The following GHR variants were observed in gnomAD, a reference collection of about 807,000 sequenced individuals.
GHR encodes GH receptor.
A neutral mutation model predicts 67.1 loss-of-function variants in GHR; 35 were observed. That is an observed-to-expected ratio of 0.52 (90% confidence interval 0.40 to 0.69). GHR has a LOEUF of 0.69. Ranked by LOEUF, GHR falls within the 30% of genes least tolerant of loss-of-function variation. The pLI, the probability that GHR is intolerant of heterozygous loss-of-function variation, is 0.00. For missense variants in GHR, 792 were observed against 764.6 expected, an observed-to-expected ratio of 1.04 and a Z score of -0.42; for synonymous variants, 272 against 269.1, an observed-to-expected ratio of 1.01 and a Z score of -0.10.
At chr5:42,605,909 G>A (rs1445202986) in intron 2 of GHR, among the ~76,000 whole-genome samples, 2 of 152,356 alleles carry the variant, frequency 1.3e-5, no homozygotes, top group South Asian at 2.1e-4. Context: ...TATTATGTAT[G>A]CAGTCTAACT....
intron 1 of GHR, chr5:42,548,375 C>G: frequency 1.0e-6 from 1 of 985,316 alleles, no homozygotes; most frequent in East Asian, 1.1e-4. Flanking sequence ...TCCAACCCCT[C>G]CCTCTCTGTC....
At chr5:42,664,120 C>T (rs1755821495) in intron 3 of GHR, among the ~76,000 whole-genome samples, 1 of 152,170 alleles carries the variant, frequency 6.6e-6, no homozygotes, top group African/African-American at 2.4e-5. Flanking sequence ...AAGAACATTC[C>T]ATGCTCATGG....
chr5:42,689,124 G>T, intron 4 of GHR, 105 bp downstream of exon 4: 3 of 1,004,322 alleles, frequency 3.0e-6, no homozygotes, highest in Non-Finnish European at 4.8e-6. Flanking sequence ...TGTGATTTAT[G>T]CAATCAATGA....
intron 2 of GHR, among the ~76,000 whole-genome samples, chr5:42,600,981 C>T (rs1752351619): frequency 8.5e-6 from 1 of 117,312 alleles, no homozygotes; most frequent in Admixed American, 1.3e-4. Flanking sequence ...GGCTGGAGTG[C>T]GATGGTGCAA....
At chr5:42,487,308 A>G (rs1186627215) in intron 1 of GHR, among the ~76,000 whole-genome samples, 1 of 152,158 alleles carries the variant, frequency 6.6e-6, no homozygotes, top group Non-Finnish European at 1.5e-5. Context: ...ACTCATTCCT[A>G]CTTGTATTCT....
intron 1 of GHR, among the ~76,000 whole-genome samples, chr5:42,564,408 T>C (rs762234537): frequency 6.6e-6 from 1 of 152,006 alleles, no homozygotes; most frequent in Non-Finnish European, 1.5e-5. Flanking sequence ...GTTTCTCACG[T>C]GAAATCTCAC....
intron 1 of GHR, among the ~76,000 whole-genome samples, chr5:42,494,418 G>T (rs1399777769): frequency 6.6e-6 from 1 of 152,026 alleles, no homozygotes; most frequent in Non-Finnish European, 1.5e-5. Context: ...ATTCAAACAT[G>T]TTGAGGAAAA....
chr5:42,507,679 A>G, intron 1 of GHR, among the ~76,000 whole-genome samples: 1 of 152,232 alleles, frequency 6.6e-6, no homozygotes, highest in East Asian at 1.9e-4. Context: ...AGCTGCCATG[A>G]GAAGCTATTA....
intron 1 of GHR, chr5:42,465,314 TGCATGAAAATAAATC>T: frequency 4.2e-6 from 3 of 707,852 alleles, no homozygotes; most frequent in Non-Finnish European, 2.5e-6. Flanking sequence ...ATTTTTTTTT[TGCATGAAAATAAATC>T]TTTATTTTCA....
chr5:42,480,822 G>A (rs577598460), intron 1 of GHR, among the ~76,000 whole-genome samples: 6 of 152,132 alleles, frequency 3.9e-5, no homozygotes, highest in Non-Finnish European at 8.8e-5. Context: ...GCACGCTGAT[G>A]GGTCTTGACT....
chr5:42,661,710 A>C (rs953698389), intron 3 of GHR, among the ~76,000 whole-genome samples: 3 of 152,336 alleles, frequency 2.0e-5, no homozygotes, highest in African/African-American at 2.4e-5. Flanking sequence ...CGAGTAAAAT[A>C]ACCAGCTAAC....
intron 1 of GHR, among the ~76,000 whole-genome samples, chr5:42,536,595 T>A (rs1748266887): frequency 6.6e-6 from 1 of 152,190 alleles, no homozygotes; most frequent in African/African-American, 2.4e-5. Flanking sequence ...TTAGCATCTA[T>A]GTTTATCAAG....
chr5:42,427,091 C>T (rs1375162341), intron 1 of GHR, among the ~76,000 whole-genome samples: 1 of 152,206 alleles, frequency 6.6e-6, no homozygotes, highest in African/African-American at 2.4e-5. Flanking sequence ...ATATTATCCT[C>T]CTTGCCGAAT....
At chr5:42,650,938 C>A (rs956064166) in intron 3 of GHR, among the ~76,000 whole-genome samples, 2 of 152,102 alleles carry the variant, frequency 1.3e-5, no homozygotes, top group Non-Finnish European at 2.9e-5. Context: ...TATAGGTCTT[C>A]ATTAGGATAA....
intron 1 of GHR, among the ~76,000 whole-genome samples, chr5:42,480,350 G>T (rs1579786349): frequency 6.6e-6 from 1 of 152,164 alleles, no homozygotes; most frequent in Non-Finnish European, 1.5e-5. Context: ...GTGCTGAAAA[G>T]AATGTATATT....
intron 1 of GHR, among the ~76,000 whole-genome samples, chr5:42,516,982 G>T (rs182625512): frequency 1.6e-3 from 243 of 151,518 alleles, no homozygotes; most frequent in Middle Eastern, 3.4e-3. Context: ...TTTAGGGGGA[G>T]AAAAAACTTA....
chr5:42,631,534 C>T (rs896061119), intron 3 of GHR, among the ~76,000 whole-genome samples: 2 of 152,162 alleles, frequency 1.3e-5, no homozygotes, highest in African/African-American at 4.8e-5. Context: ...GTTACCGTGT[C>T]ACAAATATTT....
At chr5:42,712,548 C>G (rs926578352) in intron 7 of GHR, among the ~76,000 whole-genome samples, 1 of 151,996 alleles carries the variant, frequency 6.6e-6, no homozygotes, top group Non-Finnish European at 1.5e-5. Context: ...TAATATCTCC[C>G]TAGGGGATTT....
rs562398328 is a variant in GHR, at chr5:42,643,731, T to C, written c.136+14628T>C. The stretch of plus-strand genomic sequence containing the variant: ...ATAATACATTATGCCTTTTTTTTTT[T>C]CCCTGAAAACAGCCCAGAATATCTG... On this transcript the variant is annotated intron_variant, in intron 3 of 9. Coordinates refer to ENST00000230882, the MANE Select transcript of GHR (RefSeq NM_000163.5). 4.0e-4 allele frequency among the ~76,000 whole-genome samples: 60 copies of C among 151,372 alleles called. 1 individual carries two copies. In the East Asian group the frequency reaches 9.1e-3, roughly 23 times the overall value.
Sources: gnomAD v4.1 joint callset for allele counts (sites outside exome capture counted in the v4.1 genomes callset) on GRCh38, gnomAD v4.1.1 for gene constraint, MANE v1.5 for transcripts, NCBI Gene and HGNC (gene_info 2026-07-23, HGNC 2026-07-21) for gene names.